The following DLG2 variants were observed in gnomAD, a reference collection of about 807,000 sequenced individuals.
DLG2 encodes the protein discs large MAGUK scaffold protein 2, also known as disks large homolog 2.
A neutral mutation model predicts 132.5 loss-of-function variants in DLG2; 45 were observed. The ratio of observed to expected loss-of-function variants is 0.34; its 90% CI spans 0.27 to 0.44. The LOEUF (loss-of-function observed/expected upper bound fraction) is 0.44, where lower values mean the gene tolerates loss of function less well. Ranked by LOEUF, DLG2 falls within the 20% of genes least tolerant of loss-of-function variation. The pLI is 1.00. For synonymous variants in DLG2, 424 were observed against 419.6 expected (o/e 1.01, Z -0.13); for missense variants, 1,045 against 1,196.9 (o/e 0.87, Z 1.87).
intron 6 of DLG2, among the ~76,000 whole-genome samples, chr11:84,641,028 A>C (rs1226019576): frequency 6.6e-6 from 1 of 152,008 alleles, no homozygotes; most frequent in Non-Finnish European, 1.5e-5. Context: ...CAAAATTTTT[A>C]CTTCTGATCA....
chr11:83,777,135 T>C (rs1161724045), intron 18 of DLG2, among the ~76,000 whole-genome samples: 5 of 152,196 alleles, frequency 3.3e-5, no homozygotes, highest in African/African-American at 1.2e-4. Context: ...AAAGATTGAA[T>C]GAATGAATGT....
intron 6 of DLG2, among the ~76,000 whole-genome samples, chr11:84,995,232 C>T (rs1211338398): frequency 4.6e-5 from 7 of 152,144 alleles, no homozygotes; most frequent in Non-Finnish European, 1.0e-4. Flanking sequence ...ATTTGTAAAA[C>T]TACTGAGTAC....
chr11:84,050,038 G>GATGT (rs2096330878), intron 11 of DLG2, among the ~76,000 whole-genome samples: 1 of 151,724 alleles, frequency 6.6e-6, no homozygotes, highest in African/African-American at 2.4e-5. Flanking sequence ...CATCAGGAGA[G>GATGT]ATGTGAATGG....
At chr11:83,607,928 T>C (rs2059577927) in intron 19 of DLG2, among the ~76,000 whole-genome samples, 2 of 152,198 alleles carry the variant, frequency 1.3e-5, no homozygotes. Context: ...GGCTAATCTA[T>C]GGTATAAAAT....
chr11:84,350,264 G>A (rs768420099), intron 7 of DLG2, among the ~76,000 whole-genome samples: 14 of 151,516 alleles, frequency 9.2e-5, no homozygotes, highest in Non-Finnish European at 1.8e-4. Context: ...GAGGTTAACA[G>A]GAATGTCCCA....
chr11:84,173,848 T>A (rs2095876744), intron 8 of DLG2, among the ~76,000 whole-genome samples: 1 of 152,070 alleles, frequency 6.6e-6, no homozygotes, highest in Non-Finnish European at 1.5e-5. Flanking sequence ...CACTCGCAAC[T>A]TCCCTTTCCT....
chr11:84,882,551 G>A (rs568440014), intron 6 of DLG2, among the ~76,000 whole-genome samples: 18 of 151,974 alleles, frequency 1.2e-4, no homozygotes, highest in African/African-American at 2.4e-4. Flanking sequence ...GCACCAGAGC[G>A]CCCCTGAGTC....
chr11:85,627,616 T>A (rs1318652657), upstream of DLG2: 1 of 152,216 alleles, frequency 6.6e-6, no homozygotes, highest in Non-Finnish European at 1.5e-5. Flanking sequence ...GTCCGCGATT[T>A]CCTAAATGAG....
intron 7 of DLG2, among the ~76,000 whole-genome samples, chr11:84,369,542 G>T (rs990978968): frequency 8.6e-5 from 13 of 152,034 alleles, no homozygotes; most frequent in African/African-American, 3.1e-4. Flanking sequence ...GGGGAGATGG[G>T]GCGGGCAGAC....
chr11:84,578,590 G>T (rs2154528784), intron 6 of DLG2, among the ~76,000 whole-genome samples: 1 of 152,256 alleles, frequency 6.6e-6, no homozygotes, highest in East Asian at 1.9e-4. Flanking sequence ...ATTTGGAATG[G>T]CTGTATTTAC....
chr11:84,665,347 G>T (rs925401499), intron 6 of DLG2, among the ~76,000 whole-genome samples: 2 of 152,066 alleles, frequency 1.3e-5, no homozygotes, highest in Non-Finnish European at 2.9e-5. Context: ...CAAATAATTT[G>T]CACAATATTA....
At position 84,453,432 on chromosome 11, in the gene DLG2, GGTA is replaced by G. The variant is rs763720477; in HGVS notation, c.519+81135_519+81137del. Among the ~76,000 whole-genome samples, 11 of 151,628 alleles carry G rather than the reference GGTA, an allele frequency of 7.3e-5. No homozygotes were observed. The East Asian group carries it at 2.1e-3, about 29-fold the overall frequency. On this transcript the variant is annotated intron_variant, in intron 7 of 27. Transcript: ENST00000376104. The stretch of plus-strand genomic sequence containing the variant: ...CCTAGAGTTTAAGCTTGGTAGAAAA[GGTA>G]GTAAGGCTAGAAGAGAAATGGGAAC...
At chr11:85,183,685 A>G (rs2079888638) in intron 4 of DLG2, among the ~76,000 whole-genome samples, 1 of 151,898 alleles carries the variant, frequency 6.6e-6, no homozygotes, top group African/African-American at 2.4e-5. Context: ...GCAGGCTGAG[A>G]TATCAGGGAC....
intron 18 of DLG2, among the ~76,000 whole-genome samples, chr11:83,744,530 C>T (rs1215254177): frequency 6.6e-6 from 1 of 152,164 alleles, no homozygotes; most frequent in Non-Finnish European, 1.5e-5. Context: ...TATTAAGGAC[C>T]TACACTTACA....
chr11:84,201,580 CTTT>C (rs35796062), intron 8 of DLG2, among the ~76,000 whole-genome samples: 25 of 131,722 alleles, frequency 1.9e-4, no homozygotes, highest in Admixed American at 4.4e-4. Flanking sequence ...TGGTTCTGGG[CTTT>C]TTTTTTTTTT....
At chr11:84,205,779 T>G (rs1448845740) in intron 8 of DLG2, among the ~76,000 whole-genome samples, 1 of 151,978 alleles carries the variant, frequency 6.6e-6, no homozygotes, top group Non-Finnish European at 1.5e-5. Flanking sequence ...AGCTTCTATC[T>G]TAAAAAGCTA....
intron 18 of DLG2, among the ~76,000 whole-genome samples, chr11:83,690,854 C>A (rs562722004): frequency 6.6e-6 from 1 of 152,208 alleles, no homozygotes; most frequent in Admixed American, 6.5e-5. Context: ...ACATGAAATT[C>A]AAATTTCATG....
intron 6 of DLG2, among the ~76,000 whole-genome samples, chr11:84,904,216 G>A (rs971492215): frequency 6.6e-6 from 1 of 152,032 alleles, no homozygotes; most frequent in Non-Finnish European, 1.5e-5. Flanking sequence ...CATTTCCTCT[G>A]GAACATAATG....
At chr11:83,983,607 TA>T (rs1425708114) in intron 11 of DLG2, among the ~76,000 whole-genome samples, 6 of 152,014 alleles carry the variant, frequency 3.9e-5, no homozygotes, top group Non-Finnish European at 7.4e-5. Context: ...TTAACCATAA[TA>T]GTTGTTAAAA....
Sources: gnomAD v4.1 joint callset for allele counts (sites outside exome capture counted in the v4.1 genomes callset) on GRCh38, gnomAD v4.1.1 for gene constraint, MANE v1.5 for transcripts, NCBI Gene and HGNC (gene_info 2026-07-23, HGNC 2026-07-21) for gene names.